The following FSTL5 variants were observed in gnomAD, a reference collection of about 807,000 sequenced individuals.
FSTL5 encodes the protein follistatin-related protein 5.
FSTL5 carries 62 observed loss-of-function variants against 89.1 expected under a neutral mutation model. The observed-to-expected ratio is 0.70, with a 90% confidence interval of 0.57 to 0.86. The LOEUF (loss-of-function observed/expected upper bound fraction) is 0.86, where lower values mean the gene tolerates loss of function less well. Ranked by LOEUF, FSTL5 falls within the 40% of genes least tolerant of loss-of-function variation. The pLI is 0.00. For synonymous variants in FSTL5, 383 were observed against 346.2 expected, an observed-to-expected ratio of 1.11 and a Z score of -1.18; for missense variants, 1,057 against 1,001.6, an observed-to-expected ratio of 1.06 and a Z score of -0.75.
At chr4:161,652,425 C>T (rs1736373834) in intron 7 of FSTL5, among the ~76,000 whole-genome samples, 1 of 152,026 alleles carries the variant, frequency 6.6e-6, no homozygotes, top group African/African-American at 2.4e-5. Flanking sequence ...ACAAACCAGA[C>T]CATCTATAGG....
In FSTL5 at chr4:161,867,205, A is replaced by T. The variant is rs564823914; in HGVS notation, c.409+53199T>A. The stretch of plus-strand genomic sequence containing the variant: ...ACACATATATATTGCAGGTTACATA[A>T]TATTATTATATTTGCATGTTTACCT... On this transcript the variant is annotated intron_variant, in intron 4 of 15. Transcript: ENST00000306100. 5.9e-5 allele frequency among the ~76,000 whole-genome samples: 9 copies of T among 152,116 alleles called. 1 individual carries two copies. In the South Asian group the frequency reaches 1.9e-3, roughly 32 times the overall value.
chr4:161,394,872 T>G (rs750624356), intron 15 of FSTL5, among the ~76,000 whole-genome samples: 1 of 152,202 alleles, frequency 6.6e-6, no homozygotes, highest in African/African-American at 2.4e-5. Context: ...GTCTTCAAAT[T>G]ATCTCTAAAT....
chr4:162,096,511 G>C (rs1285537782), intron 2 of FSTL5, among the ~76,000 whole-genome samples: 1 of 151,752 alleles, frequency 6.6e-6, no homozygotes, highest in African/African-American at 2.4e-5. Context: ...GCATTTTCCT[G>C]TATAATTTCT....
At chr4:161,725,769 T>C (rs1317126171) in intron 6 of FSTL5, among the ~76,000 whole-genome samples, 1 of 152,154 alleles carries the variant, frequency 6.6e-6, no homozygotes, top group Non-Finnish European at 1.5e-5. Flanking sequence ...CACTAGGCAA[T>C]GGCCTAAAAA....
At chr4:161,486,509 G>A (rs1729684214) in intron 12 of FSTL5, among the ~76,000 whole-genome samples, 1 of 152,192 alleles carries the variant, frequency 6.6e-6, no homozygotes, top group Admixed American at 6.5e-5. Flanking sequence ...GATCTAGTTA[G>A]TAGTTATGAA....
intron 6 of FSTL5, among the ~76,000 whole-genome samples, chr4:161,698,205 C>T (rs1032692711): frequency 3.9e-5 from 6 of 152,118 alleles, no homozygotes; most frequent in Non-Finnish European, 7.4e-5. Context: ...AGTGGGCCCT[C>T]ACCAGACACT....
intron 1 of FSTL5, among the ~76,000 whole-genome samples, chr4:162,131,105 G>C (rs1019635067): frequency 6.6e-6 from 1 of 152,086 alleles, no homozygotes; most frequent in Non-Finnish European, 1.5e-5. Context: ...TGGGTTTATA[G>C]ATCATTGTCT....
intron 10 of FSTL5, 106 bp downstream of exon 10, chr4:161,538,060 G>T (rs1034318971): frequency 4.2e-6 from 4 of 943,934 alleles, no homozygotes; most frequent in African/African-American, 3.3e-5. Context: ...TTGTTATAAT[G>T]CATTGTGCAA....
intron 7 of FSTL5, among the ~76,000 whole-genome samples, chr4:161,609,697 T>C (rs1298432633): frequency 1.3e-5 from 2 of 152,070 alleles, no homozygotes; most frequent in Non-Finnish European, 2.9e-5. Flanking sequence ...ATGAGATTCA[T>C]GGATCAGAGA....
intron 4 of FSTL5, among the ~76,000 whole-genome samples, chr4:161,798,733 T>C (rs986991201): frequency 6.6e-6 from 1 of 151,756 alleles, no homozygotes; most frequent in East Asian, 1.9e-4. Flanking sequence ...TAGGACCCAT[T>C]TGGAAATCTA....
intron 10 of FSTL5, among the ~76,000 whole-genome samples, chr4:161,527,433 C>G (rs1323269203): frequency 3.3e-5 from 5 of 152,074 alleles, no homozygotes; most frequent in East Asian, 1.9e-4. Context: ...ACAATGAACT[C>G]AAACAAATTT....
At chr4:161,768,518 A>G (rs954540858) in intron 5 of FSTL5, among the ~76,000 whole-genome samples, 1 of 152,000 alleles carries the variant, frequency 6.6e-6, no homozygotes, top group Non-Finnish European at 1.5e-5. Context: ...AGGCTCTTAT[A>G]TTCTATACAG....
At chr4:162,084,277 T>C (rs1730218747) in intron 2 of FSTL5, among the ~76,000 whole-genome samples, 1 of 151,940 alleles carries the variant, frequency 6.6e-6, no homozygotes, top group Non-Finnish European at 1.5e-5. Flanking sequence ...ATTCAGAGTA[T>C]CATCACCTGG....
chr4:161,485,392 C>T (rs1265649801), intron 12 of FSTL5, among the ~76,000 whole-genome samples: 1 of 152,182 alleles, frequency 6.6e-6, no homozygotes, highest in African/African-American at 2.4e-5. Context: ...TGCCTAATTA[C>T]TATCATGGTC....
At chr4:161,875,467 A>G (rs893271457) in intron 4 of FSTL5, among the ~76,000 whole-genome samples, 2 of 152,162 alleles carry the variant, frequency 1.3e-5, no homozygotes, top group African/African-American at 4.8e-5. Context: ...TCTGCAACCA[A>G]TCAGACTGAT....
chr4:162,053,203 T>G (rs1738438075), intron 2 of FSTL5, among the ~76,000 whole-genome samples: 1 of 151,766 alleles, frequency 6.6e-6, no homozygotes, highest in African/African-American at 2.4e-5. Flanking sequence ...GAATGTATAT[T>G]TTCAACTTGT....
chr4:161,567,408 A>C (rs1163986898), intron 8 of FSTL5, among the ~76,000 whole-genome samples: 1 of 152,152 alleles, frequency 6.6e-6, no homozygotes, highest in Non-Finnish European at 1.5e-5. Context: ...AATAAGCCTC[A>C]TTATCACATT....
At chr4:161,598,327 AT>A (rs1213967984) in intron 7 of FSTL5, among the ~76,000 whole-genome samples, 2 of 152,076 alleles carry the variant, frequency 1.3e-5, no homozygotes, top group African/African-American at 2.4e-5. Context: ...GTGAGCCAAA[AT>A]TGCTCCACTG....
intron 3 of FSTL5, among the ~76,000 whole-genome samples, chr4:161,954,817 T>A (rs1028721591): frequency 6.6e-6 from 1 of 151,608 alleles, no homozygotes; most frequent in Admixed American, 6.6e-5. Flanking sequence ...TAAAAATAAA[T>A]AATCATATAA....
Sources: gnomAD v4.1 joint callset for allele counts (sites outside exome capture counted in the v4.1 genomes callset) on GRCh38, gnomAD v4.1.1 for gene constraint, MANE v1.5 for transcripts, NCBI Gene and HGNC (gene_info 2026-07-23, HGNC 2026-07-21) for gene names.